Variants in DDR2 observed in about 807,000 individuals in gnomAD.
DDR2 encodes the protein discoidin domain receptor tyrosine kinase 2.
Under a neutral mutation model 94.9 loss-of-function variants are expected in DDR2, and 27 were observed. The observed-to-expected ratio is 0.28, with a 90% CI of 0.21 to 0.39. The LOEUF is 0.39. DDR2 is among the 10% of genes least tolerant of loss of function. DDR2 has a pLI of 1.00. For synonymous variants in DDR2, 382 were observed against 377.2 expected, an observed-to-expected ratio of 1.01 and a Z score of -0.15; for missense variants, 783 against 1,076.0, an observed-to-expected ratio of 0.73 and a Z score of 3.81.
chr1:162,652,365 C>A (rs1657741340), intron 1 of DDR2, among the ~76,000 whole-genome samples: 2 of 152,170 alleles, frequency 1.3e-5, no homozygotes. Context: ...GCCCATCTTC[C>A]TGGCCTGGTG....
At chr1:162,726,426 A>G (rs924585195) in intron 3 of DDR2, among the ~76,000 whole-genome samples, 1 of 152,142 alleles carries the variant, frequency 6.6e-6, no homozygotes, top group Non-Finnish European at 1.5e-5. Context: ...TTTCCATCCA[A>G]AGTAGCCAGG....
chr1:162,642,448 G>GTTT (rs10601565), intron 1 of DDR2, among the ~76,000 whole-genome samples: 1 of 137,280 alleles, frequency 7.3e-6, no homozygotes. Flanking sequence ...AATTTTCTGT[G>GTTT]TTTTTTTTTT....
At chr1:162,745,161 T>C (rs1558060136) in intron 3 of DDR2, among the ~76,000 whole-genome samples, 2 of 152,220 alleles carry the variant, frequency 1.3e-5, no homozygotes, top group African/African-American at 2.4e-5. Flanking sequence ...CTATTCAACT[T>C]CTTTGACCAC....
intron 2 of DDR2, among the ~76,000 whole-genome samples, chr1:162,685,312 G>C (rs935012340): frequency 6.6e-6 from 1 of 152,188 alleles, no homozygotes; most frequent in African/African-American, 2.4e-5. Context: ...AAATGGGACA[G>C]TGGGTGGTCA....
intron 14 of DDR2, among the ~76,000 whole-genome samples, chr1:162,773,872 T>C (rs953665348): frequency 2.0e-5 from 3 of 152,224 alleles, no homozygotes; most frequent in Admixed American, 6.5e-5. Flanking sequence ...TCCCAACATA[T>C]ACAACTGTCT....
chr1:162,642,708 A>G (rs1214567589), intron 1 of DDR2, among the ~76,000 whole-genome samples: 1 of 152,044 alleles, frequency 6.6e-6, no homozygotes, highest in African/African-American at 2.4e-5. Flanking sequence ...CTTTCTCTTG[A>G]TCATACTCCT....
rs562710937 is a variant in DDR2, at chr1:162,720,327, C to T, written c.82+1182C>T. ...CTTCCAGTAACTTTTCTCACCACCCCGCAAAGGTAGCCATTATCCTGCTTT... is the reference window on the plus strand; with the variant it reads ...CTTCCAGTAACTTTTCTCACCACCCTGCAAAGGTAGCCATTATCCTGCTTT... On this transcript the variant is annotated intron_variant, in intron 3 of 17. Transcript: ENST00000367921. Among the ~76,000 whole-genome samples the T allele has an allele frequency of 7.9e-5, 12 of 152,158 alleles. No homozygotes were observed. In the South Asian group the frequency reaches 8.3e-4, roughly 11 times the overall value.
rs866630297 is a variant in DDR2 at position 162,760,895 on chromosome 1, G to A, written c.856-316G>A. On this transcript the variant is annotated intron_variant, in intron 8 of 17. Transcript: ENST00000367921. ...GCAGTTGCCGTCTACCCTGATTCGTGTGTGTATCTATACACATAGATACAT... is the reference window on the plus strand; with the variant it reads ...GCAGTTGCCGTCTACCCTGATTCGTATGTGTATCTATACACATAGATACAT... Among the ~76,000 whole-genome samples the A allele has an allele frequency of 4.0e-5, 6 of 151,632 alleles. 1 individual carries two copies. In the South Asian group the frequency reaches 1.3e-3, roughly 32 times the overall value.
chr1:162,656,088 C>T (rs10047225), intron 2 of DDR2, among the ~76,000 whole-genome samples: 31 of 152,292 alleles, frequency 2.0e-4, no homozygotes, highest in African/African-American at 7.5e-4. Flanking sequence ...TGGGACTTCT[C>T]AGTTCATCCT....
intron 2 of DDR2, among the ~76,000 whole-genome samples, chr1:162,696,728 C>G (rs545666959): frequency 1.3e-5 from 2 of 152,290 alleles, no homozygotes; most frequent in African/African-American, 4.8e-5. Flanking sequence ...TCCTCTCCAC[C>G]CATACCCTTG....
At chr1:162,687,468 T>C (rs971743764) in intron 2 of DDR2, among the ~76,000 whole-genome samples, 1 of 152,146 alleles carries the variant, frequency 6.6e-6, no homozygotes, top group African/African-American at 2.4e-5. Flanking sequence ...GGAATATATG[T>C]TTATTTTGAA....
intron 14 of DDR2, among the ~76,000 whole-genome samples, chr1:162,775,135 G>A (rs79047337): frequency 6.6e-6 from 1 of 152,074 alleles, no homozygotes; most frequent in Non-Finnish European, 1.5e-5. Flanking sequence ...GCAACTGACT[G>A]ATGGTTCGTA....
rs76853236 is a variant in DDR2 at position 162,743,315 on chromosome 1, G to T, written c.83-9780G>T. The stretch of plus-strand genomic sequence containing the variant: ...CAAGCCCATGATGTTCCTTAGGGAA[G>T]GTAGTTCTGCTGTTTCTGTGCCAAG... On this transcript the variant is annotated intron_variant, in intron 3 of 17. Coordinates refer to ENST00000367921, the MANE Select transcript of DDR2 (RefSeq NM_006182.4). Among the ~76,000 whole-genome samples the T allele has an allele frequency of 9.5e-3, 1,441 of 152,160 alleles. 21 individuals are homozygous for T. Among genetic ancestry groups the T allele is most frequent in the African/African-American group, 0.033 (1,376 of 41,488 alleles).
chr1:162,739,839 G>T (rs1196672301), intron 3 of DDR2, among the ~76,000 whole-genome samples: 6 of 152,046 alleles, frequency 3.9e-5, no homozygotes, highest in Admixed American at 3.9e-4. Context: ...AAGTAGGTGG[G>T]ATATGGGAAT....
At chr1:162,751,650 T>TA (rs1663200981) in intron 3 of DDR2, among the ~76,000 whole-genome samples, 1 of 152,230 alleles carries the variant, frequency 6.6e-6, no homozygotes, top group Non-Finnish European at 1.5e-5. Flanking sequence ...TTACTGGGTA[T>TA]ACACCCAAAG....
chr1:162,699,009 A>G (rs1040927576), intron 2 of DDR2, among the ~76,000 whole-genome samples: 7 of 152,200 alleles, frequency 4.6e-5, no homozygotes, highest in Admixed American at 4.6e-4. Context: ...GGGATTGTCT[A>G]TACTATAAGG....
intron 2 of DDR2, among the ~76,000 whole-genome samples, chr1:162,668,653 T>C (rs1182314315): frequency 6.6e-6 from 1 of 152,208 alleles, no homozygotes; most frequent in African/African-American, 2.4e-5. Context: ...TGTCTTTGTG[T>C]CCACATCTTT....
At chr1:162,727,425 T>C (rs913300834) in intron 3 of DDR2, among the ~76,000 whole-genome samples, 5 of 145,572 alleles carry the variant, frequency 3.4e-5, no homozygotes, top group African/African-American at 7.5e-5. Context: ...AGTATATTTA[T>C]GTATGTATTT....
rs765680899 is a variant in DDR2, at chr1:162,770,269, C to G, written c.1294-33C>G. The G allele has an allele frequency of 3.7e-6, 6 of 1,606,836 alleles. No individual in the cohort carries two copies. The South Asian group carries it at 4.4e-5, about 12-fold the overall frequency. ...GAGGCATTGACCATCTCTTTTGTGC[C>G]AACATGCCTTTCTCCTTGCTCTTCT... On this transcript the variant is annotated intron_variant, in intron 11 of 17. Transcript: ENST00000367921.
Sources: gnomAD v4.1 joint callset for allele counts (sites outside exome capture counted in the v4.1 genomes callset) on GRCh38, gnomAD v4.1.1 for gene constraint, MANE v1.5 for transcripts, NCBI Gene and HGNC (gene_info 2026-07-23, HGNC 2026-07-21) for gene names.